The following SYNC variants were observed in gnomAD, a reference collection of about 807,000 sequenced individuals.
SYNC encodes the protein syncoilin.
Under a neutral mutation model 49.5 loss-of-function variants are expected in SYNC, and 38 were observed. That is an observed-to-expected ratio of 0.77 (90% CI 0.59 to 1.01). The LOEUF (loss-of-function observed/expected upper bound fraction) is 1.01, where lower values mean the gene tolerates loss of function less well. Ranked by LOEUF, SYNC falls within the 50% of genes least tolerant of loss-of-function variation. The pLI is 0.00. For synonymous variants in SYNC, 201 were observed against 230.8 expected (o/e 0.87, Z 1.17); for missense variants, 579 against 580.6 (o/e 1.00, Z 0.03).
intron 2 of SYNC, 117 bp from the exon 3 acceptor site, chr1:32,684,499 G>T: frequency 3.5e-6 from 5 of 1,438,336 alleles, no homozygotes; most frequent in Non-Finnish European, 3.8e-6. Context: ...CAGTATTGAG[G>T]CTGGTATTTA....
Position 32,689,569 on chromosome 1 carries a change from CTG to C in SYNC, c.1234-5189_1234-5188del, listed in dbSNP as rs1409292263. ...CCCACAGTAATTAGGCACTTAGAAA[CTG>C]TTGAATTGATGAAGGTGATGATAGA... On this transcript the variant is annotated intron_variant, in intron 2 of 4. Coordinates refer to ENST00000409190, the MANE Select transcript of SYNC (RefSeq NM_030786.3). 1.3e-4 allele frequency among the ~76,000 whole-genome samples: 20 copies of C among 152,070 alleles called. No homozygotes were observed. In the East Asian group the frequency reaches 3.9e-3, roughly 29 times the overall value.
chr1:32,683,957 T>A, intron 4 of SYNC, 53 bp downstream of exon 4: 1 of 1,563,616 alleles, frequency 6.4e-7, no homozygotes, highest in Non-Finnish European at 8.8e-7. Flanking sequence ...TAATTAGTAT[T>A]GTTAGGAAAG....
At chr1:32,703,425 A>C (rs1650745248), upstream of SYNC, 1 of 152,324 alleles carries the variant, frequency 6.6e-6, no homozygotes, top group African/African-American at 2.4e-5. Context: ...CTGTCACCCC[A>C]CTCAGCCCAC....
rs372285843 is a variant in SYNC, at chr1:32,680,357, G to GT, written c.*1492dup. The GT allele has an allele frequency of 0.14, 130,702 of 956,778 alleles. 1,226 individuals carry two copies. The highest frequency in any genetic ancestry group is 0.2 in the African/African-American group (9,007 of 45,376). 59.3% of individuals were successfully genotyped at this position (956,778 alleles called of 1,614,324 possible). ...AATGGTGTTTTTTTTTTTGTTGTTG[G>GT]TTTTTTTTTTTTTTTTTTTAACTTG... On this transcript the variant is annotated 3_prime_UTR_variant, in exon 5 of 5. Coordinates refer to ENST00000409190, the MANE Select transcript of SYNC (RefSeq NM_030786.3).
At chr1:32,698,214 CAAAAA>C (rs149634173) in intron 1 of SYNC, among the ~76,000 whole-genome samples, 86,986 of 119,902 alleles carry the variant, frequency 0.73, 31,120 homozygotes, top group East Asian at 0.84. Context: ...GACTCCATCT[CAAAAA>C]AAAAAAAAAA....
In SYNC at chr1:32,679,978, G is replaced by T. The variant is rs1413267208; in HGVS notation, c.*1872C>A. ...CTACAGAAAGGGGAATATTATGTGT[G>T]ATTATTTTTCTTCTTATGCTATATC... On this transcript the variant is annotated 3_prime_UTR_variant, in exon 5 of 5. Transcript: ENST00000409190. 1.6e-5 allele frequency: 19 copies of T among 1,203,230 alleles called. No individual in the cohort carries two copies. Among genetic ancestry groups the T allele is most frequent in the Non-Finnish European group, 2.0e-5 (19 of 969,402 alleles). The allele number at this position is 1,203,230 out of a possible 1,614,324, so 74.5% of individuals were successfully genotyped here. A position where few individuals can be genotyped will look rare whatever the true frequency, so the allele number is the denominator to read the frequency against.
rs1553199388 is a variant in SYNC at position 32,687,855 on chromosome 1, A to ATTATT, written c.1234-3478_1234-3474dup. Among the ~76,000 whole-genome samples the ATTATT allele has an allele frequency of 4.8e-3, 653 of 135,496 alleles. 7 individuals carry two copies. Among genetic ancestry groups the ATTATT allele is most frequent in the African/African-American group, 0.015 (542 of 36,456 alleles). 88.9% of individuals were successfully genotyped at this position (135,496 alleles called of 152,430 possible). On this transcript the variant is annotated intron_variant, in intron 2 of 4. Coordinates refer to ENST00000409190, the MANE Select transcript of SYNC (RefSeq NM_030786.3). ...GTGAATTATTATTATTATTATTATT[A>ATTATT]TTATTATTTTTTGAGATGGAGTCTT...
At chr1:32,686,308 A>T (rs1649826501) in intron 2 of SYNC, 1 of 152,132 alleles carries the variant, frequency 6.6e-6, no homozygotes, top group Admixed American at 6.5e-5. Flanking sequence ...TAGCCTAACA[A>T]CTCAGATCTG....
At chr1:32,683,950 T>C in intron 4 of SYNC, 60 bp downstream of exon 4, 2 of 1,542,328 alleles carry the variant, frequency 1.3e-6, no homozygotes, top group East Asian at 2.2e-5. Flanking sequence ...AAGGCATTAA[T>C]TAGTATTGTT....
At chr1:32,686,989 T>C (rs537749661) in intron 2 of SYNC, among the ~76,000 whole-genome samples, 1 of 152,296 alleles carries the variant, frequency 6.6e-6, no homozygotes, top group African/African-American at 2.4e-5. Context: ...TATATTGCAT[T>C]CTATGTAAAA....
rs186385489 is a variant in SYNC at position 32,697,053 on chromosome 1, C to A, written c.54-1009G>T. On this transcript the variant is annotated intron_variant, in intron 1 of 4. Transcript: ENST00000409190. ...ATTGAGCCACCATGCCCAGCAATTC[C>A]TGGTAACTTTTAGCCACTGGATTTA... Among the ~76,000 whole-genome samples the A allele has an allele frequency of 1.4e-4, 22 of 152,144 alleles. No homozygotes were observed. The East Asian group carries it at 4.1e-3, about 28-fold the overall frequency.
rs1329540355 is a variant in SYNC at position 32,695,432 on chromosome 1, G to A, written c.666C>T (p.Tyr222=). 4.5e-6 allele frequency: 7 copies of A among 1,551,596 alleles called. No homozygotes were observed. In the Admixed American group the frequency reaches 5.9e-5, roughly 13 times the overall value. The change falls in exon 2 of 5, where the codon TAC becomes TAT. Residue 222 remains tyrosine (Y), a synonymous_variant. Transcript: ENST00000409190. ...CCAGCTCTGCTTGGGCATGGAGCTT[G>A]TAGGCAGCCAGGATGTCTTGATGGA... ...QQVHQDILAA[Y]KLHAQAELER...
chr1:32,683,286 GAGTA>G (rs1349949112), intron 4 of SYNC: 3 of 146,196 alleles, frequency 2.1e-5, no homozygotes, highest in African/African-American at 7.6e-5. Context: ...AAAAAAAAAA[GAGTA>G]AGTCTGTGTA....
At position 32,702,193 on chromosome 1, in the gene SYNC, T is replaced by G. The variant is rs1650694649; in HGVS notation, c.53+415A>C. Among the ~76,000 whole-genome samples, 1 of 152,198 alleles carries G rather than the reference T, an allele frequency of 6.6e-6. No individual in the cohort carries two copies. Among genetic ancestry groups the G allele is most frequent in the African/African-American group, 2.4e-5 (1 of 41,446 alleles). Reference sequence around the variant, plus strand: ...CCCTGACAGACTCTTAACTTCAAGCTGGCAGATGCCCAGCCTTGCACCAAG... The same window carrying G: ...CCCTGACAGACTCTTAACTTCAAGCGGGCAGATGCCCAGCCTTGCACCAAG... On this transcript the variant is annotated intron_variant, in intron 1 of 4. Coordinates refer to ENST00000409190, the MANE Select transcript of SYNC (RefSeq NM_030786.3). The surrounding 1 kb of genome is among the most constrained non-coding windows in gnomAD (Gnocchi z 6.2).
At position 32,695,807 on chromosome 1, in the gene SYNC, C is replaced by G. The variant is rs1472103416; in HGVS notation, c.291G>C (p.Val97=). 1 of 1,551,802 alleles carries G rather than the reference C, an allele frequency of 6.4e-7. No individual in the cohort carries two copies. The highest frequency in any genetic ancestry group is 1.2e-5 in the South Asian group (1 of 84,060). The change falls in exon 2 of 5, where the codon GTG becomes GTC. Residue 97 remains valine (V), a synonymous_variant. Transcript: ENST00000409190. The part of the protein sequence containing the change: ...EAMQPDEALH[V]EEPGNPEETV... ...TCTCCTCTGGATTCCCAGGCTCCTC[C>G]ACATGCAGAGCCTCATCTGGCTGCA...
chr1:32,686,866 T>C (rs1413961568), intron 2 of SYNC, among the ~76,000 whole-genome samples: 1 of 152,218 alleles, frequency 6.6e-6, no homozygotes, highest in Non-Finnish European at 1.5e-5. Context: ...ATACTCAAGG[T>C]AACAGGCTTT....
rs11809190 is a variant in SYNC at position 32,681,578 on chromosome 1, A to G, written c.*272T>C. The G allele has an allele frequency of 3.5e-6, 2 of 566,546 alleles. No homozygotes were observed. The highest frequency in any genetic ancestry group is 2.2e-5 in the South Asian group (1 of 45,468). The allele number at this position is 566,546 out of a possible 1,614,324, so 35.1% of individuals were successfully genotyped here. On this transcript the variant is annotated 3_prime_UTR_variant, in exon 5 of 5. Transcript: ENST00000409190. ...TATGTGAGGGTTGTTGCTGGAAGAC[A>G]GGAGGCTCATCTTTCCTTTCCTTGG... is the stretch of plus-strand genomic sequence containing the variant.
At position 32,695,963 on chromosome 1, in the gene SYNC, A is replaced by G. The variant is rs987229817; in HGVS notation, c.135T>C (p.Val45=). 62 of 1,546,516 alleles carry G rather than the reference A, an allele frequency of 4.0e-5. No individual in the cohort carries two copies. The highest frequency in any genetic ancestry group is 4.9e-5 in the Non-Finnish European group (56 of 1,147,000). The change falls in exon 2 of 5, where the codon GTT becomes GTC. Residue 45 remains valine (V), a synonymous_variant. Transcript: ENST00000409190. ...TTAAGGACCCCTCTGAAGATAGAGT[A>G]ACTTCTGGGTTCAAGGCTTCTGCCT... ...LNEAEALNPE[V]TLSSEGSLNL...
chr1:32,684,425 A>G (rs773880856), intron 2 of SYNC, 43 bp from the exon 3 acceptor site: 1 of 1,613,006 alleles, frequency 6.2e-7, no homozygotes, highest in Non-Finnish European at 8.5e-7. Context: ...GCCAAACAAT[A>G]AAAACTCACA....
Sources: allele counts gnomAD v4.1 joint callset (sites outside exome capture counted in the v4.1 genomes callset), GRCh38; gene constraint gnomAD v4.1.1; non-coding constraint Gnocchi (gnomAD v3.1); transcripts MANE v1.5; gene names NCBI Gene and HGNC (gene_info 2026-07-23, HGNC 2026-07-21).